PIM1: variants seen among roughly 807,000 people sequenced by gnomAD.
The protein encoded by PIM1 is Pim-1 proto-oncogene, serine/threonine kinase, also known as serine/threonine-protein kinase pim-1.
A neutral mutation model predicts 34.5 loss-of-function variants in PIM1; 9 were observed. The observed-to-expected ratio is 0.26, with a 90% CI of 0.16 to 0.46. The LOEUF (loss-of-function observed/expected upper bound fraction) is 0.46, where lower values mean the gene tolerates loss of function less well. PIM1 is among the 20% of genes least tolerant of loss of function. The probability of loss-of-function intolerance (pLI) is 1.00; values close to 1 mark genes in which losing one functional copy is unlikely to be tolerated. For missense variants in PIM1, 274 were observed against 410.9 expected (o/e 0.67, Z 2.88); for synonymous variants, 199 against 175.2 (o/e 1.14, Z -1.07).
In PIM1 at chr6:37,170,326, G is replaced by T. The variant is rs1197152293; in HGVS notation, c.-250G>T. On this transcript the variant is annotated 5_prime_UTR_variant, in exon 1 of 6. Transcript: ENST00000373509. ...CGCTGCCGCACGAGCCCCACGAGCC[G>T]CTCACCCCGCCGTTCTCAGCGCTGC... The T allele has an allele frequency of 4.7e-6, 7 of 1,475,756 alleles. No individual in the cohort carries two copies. The African/African-American group carries it at 8.8e-5, about 19-fold the overall frequency. The allele number at this position is 1,475,756 out of a possible 1,614,324, so 91.4% of individuals were successfully genotyped here. A position where few individuals can be genotyped will look rare whatever the true frequency, so the allele number is the denominator to read the frequency against.
chr6:37,171,550 G>T, intron 4 of PIM1, 59 bp downstream of exon 4: 1 of 1,566,606 alleles, frequency 6.4e-7, no homozygotes, highest in South Asian at 1.2e-5. Context: ...GCCCAGTCCG[G>T]AGGCCTCGGC....
At chr6:37,172,732 C>T (rs1762313910) in intron 4 of PIM1, 1 of 608,674 alleles carries the variant, frequency 1.6e-6, no homozygotes, top group African/African-American at 1.8e-5. Flanking sequence ...CTGCGGCCAG[C>T]TGTGTTTGTT....
chr6:37,171,770 G>A (rs1762293300), intron 4 of PIM1, among the ~76,000 whole-genome samples: 1 of 152,220 alleles, frequency 6.6e-6, no homozygotes, highest in Non-Finnish European at 1.5e-5. Context: ...GGCAACCGGC[G>A]GTAGCCCAGA....
chr6:37,172,546 T>C, intron 4 of PIM1: 1 of 453,732 alleles, frequency 2.2e-6, no homozygotes, highest in Non-Finnish European at 4.4e-6. Flanking sequence ...TGACTTAGGA[T>C]GTTGTGCAAG....
rs771718564 is a variant in PIM1 at position 37,173,925 on chromosome 6, T to C, written c.785-9T>C. The C allele has an allele frequency of 5.0e-6, 8 of 1,609,236 alleles. No homozygotes were observed. In the South Asian group the frequency reaches 8.8e-5, roughly 18 times the overall value. On this transcript the variant is annotated splice_polypyrimidine_tract_variant and intron_variant, in intron 5 of 5. Transcript: ENST00000373509. ...TCATTCATAACCTCGTCTATCCTCC[T>C]TTCTGCAGAATGTCAGCATCTCATT...
chr6:37,174,943 GTTTC>G lies in PIM1; in HGVS notation c.*855_*858del. 1 of 233,682 alleles carries G rather than the reference GTTTC, an allele frequency of 4.3e-6. No homozygotes were observed. The highest frequency in any genetic ancestry group is 8.5e-6 in the Non-Finnish European group (1 of 118,048). 14.5% of individuals were successfully genotyped at this position (233,682 alleles called of 1,614,324 possible). On this transcript the variant is annotated 3_prime_UTR_variant, in exon 6 of 6. Transcript: ENST00000373509. ...CCTTTAAGTTATTTTACCTGTTTTT[GTTTC>G]TTGTTTTGAAAGATGCGCATTCTAA...
intron 5 of PIM1, 106 bp from the exon 6 acceptor site, chr6:37,173,828 C>T (rs745631198): frequency 6.0e-5 from 63 of 1,041,980 alleles, no homozygotes; most frequent in Non-Finnish European, 8.7e-5. Context: ...GCTTGGCCTC[C>T]CTGGGACCCC....
intron 4 of PIM1, 83 bp from the exon 5 acceptor site, chr6:37,172,912 AG>A: frequency 8.5e-7 from 1 of 1,179,842 alleles, no homozygotes; most frequent in Non-Finnish European, 1.2e-6. Context: ...TTTTTTTAAA[AG>A]AAAGAGTTAT....
Position 37,174,075 on chromosome 6 carries a change from C to T in PIM1, c.926C>T (p.Pro309Leu), listed in dbSNP as rs531611030. The T allele has an allele frequency of 3.2e-5, 52 of 1,613,118 alleles. 1 individual carries two copies. The highest frequency in any genetic ancestry group is 5.0e-5 in the Admixed American group (3 of 59,746). Residue 309 changes from proline to leucine, a missense_variant, in exon 6 of 6, where the codon CCG (proline) becomes CTG (leucine). Transcript: ENST00000373509. The stretch of plus-strand genomic sequence containing the variant: ...GAGATCCACCTCCACAGCCTGTCGC[C>T]GGGGCCCAGCAAATAGCAGCCTTTC... ...TAEIHLHSLS[P>L]GPSK
Position 37,174,070 on chromosome 6 carries a change from G to A in PIM1, c.921G>A (p.Leu307=), listed in dbSNP as rs747823256. 15 of 1,613,540 alleles carry A rather than the reference G, an allele frequency of 9.3e-6. No individual in the cohort carries two copies. The Admixed American group carries it at 2.5e-4, about 27-fold the overall frequency. The change falls in exon 6 of 6, where the codon CTG becomes CTA. Residue 307 remains leucine (L), a synonymous_variant. Transcript: ENST00000373509. Reference sequence around the variant, plus strand: ...CTGCTGAGATCCACCTCCACAGCCTGTCGCCGGGGCCCAGCAAATAGCAGC... The same window carrying A: ...CTGCTGAGATCCACCTCCACAGCCTATCGCCGGGGCCCAGCAAATAGCAGC... ...QETAEIHLHS[L]SPGPSK is the part of the protein sequence containing the mutation.
Position 37,170,665 on chromosome 6 carries a change from C to T in PIM1, c.82+8C>T, listed in dbSNP as rs1266099293. 1.2e-6 allele frequency: 2 copies of T among 1,609,510 alleles called. No homozygotes were observed. Among genetic ancestry groups the T allele is most frequent in the African/African-American group, 1.3e-5 (1 of 74,604 alleles). ...CCACCAAGCTGGCGCCCGGTGAGAG[C>T]ACCCCCCGCCTCCGGCCCGGGGATG... On this transcript the variant is annotated splice_region_variant and intron_variant, in intron 1 of 5. Coordinates refer to ENST00000373509, the MANE Select transcript of PIM1 (RefSeq NM_002648.4).
At chr6:37,170,913 C>A (rs1173193329) in intron 2 of PIM1, 34 bp downstream of exon 2, 1 of 1,612,000 alleles carries the variant, frequency 6.2e-7, no homozygotes, top group East Asian at 2.2e-5. Flanking sequence ...GAGGGCGCGC[C>A]GGGCGGGGGG....
intron 4 of PIM1, 156 bp from the exon 5 acceptor site, chr6:37,172,840 A>G: frequency 2.8e-6 from 2 of 726,962 alleles, no homozygotes; most frequent in Non-Finnish European, 4.9e-6. Flanking sequence ...GTGCGCCTCC[A>G]CTCTCCTTAG....
chr6:37,172,467 GGAGGA>G, intron 4 of PIM1: 3 of 405,318 alleles, frequency 7.4e-6, no homozygotes, highest in South Asian at 1.8e-5. Context: ...TCCAGTCTAG[GGAGGA>G]AAGGGTGTGG....
Position 37,171,506 on chromosome 6 carries a change from G to A in PIM1, c.607+15G>A, listed in dbSNP as rs772505563. Reference sequence around the variant, plus strand: ...GGACTTCGATGGTGAGCCAGGCCCGGGAGGGAGCTGCCCAGGTGACTCGGC... The same window carrying A: ...GGACTTCGATGGTGAGCCAGGCCCGAGAGGGAGCTGCCCAGGTGACTCGGC... On this transcript the variant is annotated intron_variant, in intron 4 of 5. Transcript: ENST00000373509. The A allele has an allele frequency of 1.2e-6, 2 of 1,611,548 alleles. No individual in the cohort carries two copies. The highest frequency in any genetic ancestry group is 1.7e-6 in the Non-Finnish European group (2 of 1,179,166).
At position 37,173,051 on chromosome 6, in the gene PIM1, G is replaced by A. The variant is rs56008255; in HGVS notation, c.663G>A (p.Arg221=). The change falls in exon 5 of 6, where the codon AGG becomes AGA. Residue 221 remains arginine, a synonymous_variant. Transcript: ENST00000373509. The stretch of plus-strand genomic sequence containing the variant: ...TCCGCTACCATCGCTACCATGGCAG[G>A]TCGGCGGCAGTCTGGTCCCTGGGGA... ...EWIRYHRYHG[R]SAAVWSLGIL... 3.7e-6 allele frequency: 6 copies of A among 1,614,072 alleles called. No homozygotes were observed. Among genetic ancestry groups the A allele is most frequent in the Middle Eastern group, 1.6e-4 (1 of 6,084 alleles).
Position 37,172,120 on chromosome 6 carries a change from G to A in PIM1, c.607+629G>A, listed in dbSNP as rs1481132. 0.014 allele frequency among the ~76,000 whole-genome samples: 2,080 copies of A among 152,158 alleles called. 78 individuals carry two copies. The East Asian group carries it at 0.15, about 11-fold the overall frequency. ...CTATCCTAGGGAGGGGCTTGGAGCG[G>A]GTTCTTTCAGAAAAGAAGGAATGGA... On this transcript the variant is annotated intron_variant, in intron 4 of 5. Coordinates refer to ENST00000373509, the MANE Select transcript of PIM1 (RefSeq NM_002648.4).
Position 37,170,788 on chromosome 6 carries a change from C to T in PIM1, c.98C>T (p.Pro33Leu). 2 of 1,612,708 alleles carry T rather than the reference C, an allele frequency of 1.2e-6. No individual in the cohort carries two copies. The highest frequency in any genetic ancestry group is 1.7e-6 in the Non-Finnish European group (2 of 1,179,648). The change falls in exon 2 of 6, where the codon CCC (proline) becomes CTC (leucine). Residue 33 changes from proline to leucine, a missense_variant. Coordinates refer to ENST00000373509, the MANE Select transcript of PIM1 (RefSeq NM_002648.4). ...TKLAPGKEKE[P>L]LESQYQVGPL... ...CCTTTCCTAGGCAAGGAGAAGGAGC[C>T]CCTGGAGTCGCAGTACCAGGTGGGC... is the stretch of plus-strand genomic sequence containing the variant.
At chr6:37,172,821 T>C (rs1314547863) in intron 4 of PIM1, 175 bp from the exon 5 acceptor site, 1 of 701,900 alleles carries the variant, frequency 1.4e-6, no homozygotes, top group East Asian at 2.7e-5. Context: ...GTTGGAGAGA[T>C]GCCGTAAGGT....
Sources: gnomAD v4.1 joint callset for allele counts (sites outside exome capture counted in the v4.1 genomes callset) on GRCh38, gnomAD v4.1.1 for gene constraint, MANE v1.5 for transcripts, NCBI Gene and HGNC (gene_info 2026-07-23, HGNC 2026-07-21) for gene names.